Variants in ZNF486 observed in about 807,000 individuals in gnomAD.
The protein encoded by ZNF486 is zinc finger protein 486.
In ZNF486, 12 loss-of-function variants were observed where a neutral mutation model predicts 12.8. The observed-to-expected ratio is 0.94, with a 90% CI of 0.60 to 1.52. The LOEUF is 1.52. Among genes scored for constraint, ZNF486 ranks in the 40% most tolerant of loss-of-function variants. The pLI is 0.00. For missense variants in ZNF486, 738 were observed against 545.0 expected, an observed-to-expected ratio of 1.35 and a Z score of -3.53; for synonymous variants, 231 against 184.9, an observed-to-expected ratio of 1.25 and a Z score of -2.02.
chr19:20,184,363 T>C lies in ZNF486; in HGVS notation c.38T>C (p.Leu13Ser), dbSNP rs982487932. 9.3e-6 allele frequency: 15 copies of C among 1,612,924 alleles called. No homozygotes were observed. The highest frequency in any genetic ancestry group is 1.2e-5 in the Non-Finnish European group (14 of 1,179,400). Residue 13 changes from leucine to serine, a missense_variant, in exon 2 of 4, where the codon TTG becomes TCG. Transcript: ENST00000335117. ...GPLRSLEMES[L>S]QFRDVAVEFS... Reference sequence around the variant, plus strand: ...TGTGTGTGTGTTTTTCAGGAATCATTGCAATTTAGAGATGTGGCTGTAGAA... The same window carrying C: ...TGTGTGTGTGTTTTTCAGGAATCATCGCAATTTAGAGATGTGGCTGTAGAA...
rs781960180 is a variant in ZNF486, at chr19:20,197,175, A to G, written c.465A>G (p.Gln155=). ...CAACTACCCAGAGCAAAATATTTCA[A>G]TGTGGTAAATATGTGAAAGTCTTTC... ...CLTTTQSKIF[Q]CGKYVKVFHQ... is the part of the protein sequence containing the mutation. Residue 155 remains glutamine (Q), a synonymous_variant, in exon 4 of 4, where the codon CAA becomes CAG. Transcript: ENST00000335117. The G allele has an allele frequency of 5.5e-5, 89 of 1,613,732 alleles. No homozygotes were observed. The highest frequency in any genetic ancestry group is 7.3e-5 in the Non-Finnish European group (86 of 1,179,940).
At chr19:20,173,045 T>G (rs2089667397) in intron 1 of ZNF486, among the ~76,000 whole-genome samples, 1 of 152,244 alleles carries the variant, frequency 6.6e-6, no homozygotes, top group African/African-American at 2.4e-5. Flanking sequence ...TTTCCTTTGC[T>G]GTAAAGAAGC....
intron 1 of ZNF486, among the ~76,000 whole-genome samples, chr19:20,182,408 C>A (rs2089796875): frequency 6.6e-6 from 1 of 152,218 alleles, no homozygotes; most frequent in Admixed American, 6.5e-5. Flanking sequence ...TTTGCAGAAA[C>A]CTCTTGTGCC....
At chr19:20,186,109 C>T (rs2089842777) in intron 3 of ZNF486, 27 bp downstream of exon 3, 2 of 1,534,264 alleles carry the variant, frequency 1.3e-6, no homozygotes, top group Non-Finnish European at 1.8e-6. Context: ...ATGAACACAA[C>T]AGACAATGCA....
intron 3 of ZNF486, among the ~76,000 whole-genome samples, chr19:20,193,535 C>T (rs2089923290): frequency 1.3e-5 from 2 of 151,972 alleles, no homozygotes; most frequent in Non-Finnish European, 2.9e-5. Context: ...CTGGCAGGTG[C>T]CTATAATCCC....
At chr19:20,172,310 ACT>A (rs1491269281) in intron 1 of ZNF486, among the ~76,000 whole-genome samples, 2 of 118,734 alleles carry the variant, frequency 1.7e-5, no homozygotes, top group Non-Finnish European at 3.1e-5. Flanking sequence ...GCTTTTGCCT[ACT>A]TTTTTTTTTT....
At chr19:20,186,933 C>G (rs150557299) in intron 3 of ZNF486, among the ~76,000 whole-genome samples, 15 of 152,032 alleles carry the variant, frequency 9.9e-5, no homozygotes, top group Middle Eastern at 3.4e-3. Context: ...CAGGTGCATA[C>G]AACCATGCCT....
intron 3 of ZNF486, among the ~76,000 whole-genome samples, chr19:20,189,895 C>CA (rs558102630): frequency 1.6e-3 from 244 of 152,236 alleles, no homozygotes; most frequent in Non-Finnish European, 2.9e-3. Flanking sequence ...GTGGCAAGAC[C>CA]AATGTAATGT....
Position 20,197,014 on chromosome 19 carries a change from G to T in ZNF486, c.304G>T (p.Asp102Tyr), listed in dbSNP as rs527901227. The change falls in exon 4 of 4, where the codon GAT becomes TAT. Residue 102 changes from aspartate to tyrosine, a missense_variant. Physicochemically the swap from Asp to Tyr is radical, Grantham distance 160. Coordinates refer to ENST00000335117, the MANE Select transcript of ZNF486 (RefSeq NM_052852.4). The part of the protein sequence containing the change: ...QDLWPEQSIK[D>Y]SYQKVILRKF... Reference sequence around the variant, plus strand: ...CCTTTGGCCAGAGCAGAGCATAAAAGATTCTTACCAAAAAGTGATACTGAG... The same window carrying T: ...CCTTTGGCCAGAGCAGAGCATAAAATATTCTTACCAAAAAGTGATACTGAG... 3.7e-6 allele frequency: 6 copies of T among 1,603,440 alleles called. No individual in the cohort carries two copies. Among genetic ancestry groups the T allele is most frequent in the Admixed American group, 3.5e-5 (2 of 57,500 alleles).
At position 20,171,143 on chromosome 19, in the gene ZNF486, G is replaced by A. The variant is rs10408074; in HGVS notation, c.30+3783G>A. Among the ~76,000 whole-genome samples, 302 of 152,304 alleles carry A rather than the reference G, an allele frequency of 2.0e-3. 2 individuals are homozygous for A. The highest frequency in any genetic ancestry group is 7.0e-3 in the African/African-American group (292 of 41,564). On this transcript the variant is annotated intron_variant, in intron 1 of 3. Transcript: ENST00000335117. ...TGTTTGATGTTCAGCAAACTCTACA[G>A]ATATGGTGCCAGTAAAAAGATATCA...
At chr19:20,174,632 A>T (rs1261706040) in intron 1 of ZNF486, among the ~76,000 whole-genome samples, 1 of 152,012 alleles carries the variant, frequency 6.6e-6, no homozygotes, top group African/African-American at 2.4e-5. Flanking sequence ...CAGGTGATCC[A>T]CCCATTTCAG....
chr19:20,185,882 T>C, intron 2 of ZNF486, 105 bp from the exon 3 acceptor site: 2 of 572,408 alleles, frequency 3.5e-6, no homozygotes, highest in East Asian at 3.6e-5. Flanking sequence ...TATTTTGGTA[T>C]TAATTTACTA....
rs1555718066 is a variant in ZNF486 at position 20,196,969 on chromosome 19, T to C, written c.259T>C (p.Cys87Arg). 1.3e-6 allele frequency: 2 copies of C among 1,544,302 alleles called. No individual in the cohort carries two copies. The highest frequency in any genetic ancestry group is 1.7e-6 in the Non-Finnish European group (2 of 1,151,828). ...HEMIAKPPVV[C>R]SHFAQDLWPE... is the part of the protein sequence containing the mutation. Reference sequence around the variant, plus strand: ...GTTTTTATTGTTTCTTTCAGTTGTGTGTTCTCATTTTGCCCAAGACCTTTG... The same window carrying C: ...GTTTTTATTGTTTCTTTCAGTTGTGCGTTCTCATTTTGCCCAAGACCTTTG... Residue 87 changes from cysteine (C) to arginine (R), a missense_variant, in exon 4 of 4, where the codon TGT becomes CGT. Transcript: ENST00000335117.
At chr19:20,186,402 A>T (rs1250401635) in intron 3 of ZNF486, among the ~76,000 whole-genome samples, 3 of 152,130 alleles carry the variant, frequency 2.0e-5, no homozygotes, top group African/African-American at 7.2e-5. Context: ...GGGGACACAC[A>T]AATATCTGCG....
At chr19:20,191,890 A>G (rs2122675388) in intron 3 of ZNF486, among the ~76,000 whole-genome samples, 1 of 152,258 alleles carries the variant, frequency 6.6e-6, no homozygotes, top group East Asian at 1.9e-4. Flanking sequence ...TGAATTTTCT[A>G]TTTATTATTG....
chr19:20,184,200 A>T (rs1599707996), intron 1 of ZNF486, among the ~76,000 whole-genome samples, 156 bp from the exon 2 acceptor site: 1 of 152,190 alleles, frequency 6.6e-6, no homozygotes, highest in African/African-American at 2.4e-5. Context: ...TAGAGAATAC[A>T]TTAGAAAATA....
rs1555718105 is a variant in ZNF486, at chr19:20,197,061, T to C, written c.351T>C (p.His117=). The change falls in exon 4 of 4, where the codon CAT becomes CAC. Residue 117 remains histidine, a synonymous_variant. Transcript: ENST00000335117. The stretch of plus-strand genomic sequence containing the variant: ...TGAGAAAATTTGAAAAATGTGGACA[T>C]GGCAATTTACACTTTAAAAAAGGCT... ...VILRKFEKCG[H]GNLHFKKGCE... 1 of 1,612,432 alleles carries C rather than the reference T, an allele frequency of 6.2e-7. No individual in the cohort carries two copies. Among genetic ancestry groups the C allele is most frequent in the East Asian group, 2.2e-5 (1 of 44,846 alleles).
chr19:20,174,400 CTTTT>C (rs34383133), intron 1 of ZNF486, among the ~76,000 whole-genome samples: 3 of 142,484 alleles, frequency 2.1e-5, no homozygotes, highest in Admixed American at 7.0e-5. Flanking sequence ...TTTCTTTCTT[CTTTT>C]TTTTTTTTGA....
At chr19:20,169,998 C>T (rs2089630946) in intron 1 of ZNF486, among the ~76,000 whole-genome samples, 1 of 149,208 alleles carries the variant, frequency 6.7e-6, no homozygotes, top group Non-Finnish European at 1.5e-5. Flanking sequence ...TCACGCCATT[C>T]TCCTGCCTCA....
Sources: allele counts gnomAD v4.1 joint callset (sites outside exome capture counted in the v4.1 genomes callset), GRCh38; gene constraint gnomAD v4.1.1; transcripts MANE v1.5; gene names NCBI Gene and HGNC (gene_info 2026-07-23, HGNC 2026-07-21).